ANAPC5: variants seen among roughly 807,000 people sequenced by gnomAD.
The protein encoded by ANAPC5 is anaphase promoting complex subunit 5.
ANAPC5 carries 60 observed loss-of-function variants against 91.3 expected under a neutral mutation model. The ratio of observed to expected loss-of-function variants is 0.66; its 90% CI spans 0.53 to 0.81. The LOEUF is 0.81. Among genes scored for constraint, ANAPC5 ranks in the 40% least tolerant of loss-of-function variants. The pLI, the probability that ANAPC5 is intolerant of heterozygous loss-of-function variation, is 0.00. For missense variants in ANAPC5, 690 were observed against 931.5 expected, an observed-to-expected ratio of 0.74 and a Z score of 3.37; for synonymous variants, 340 against 364.1, an observed-to-expected ratio of 0.93 and a Z score of 0.75.
intron 4 of ANAPC5, among the ~76,000 whole-genome samples, chr12:121,345,118 G>C (rs937529982): frequency 4.6e-5 from 7 of 152,182 alleles, no homozygotes; most frequent in South Asian, 2.1e-4. Context: ...ACATAGCAGG[G>C]AGGAAGGACT....
upstream of ANAPC5, chr12:121,352,601 G>A (rs1390300516): frequency 2.2e-6 from 1 of 445,848 alleles, no homozygotes; most frequent in Non-Finnish European, 4.0e-6. Flanking sequence ...CCGAGTGGGA[G>A]CAGGTTCCCA....
intron 4 of ANAPC5, 134 bp downstream of exon 4, chr12:121,345,705 C>A: frequency 3.3e-6 from 3 of 898,176 alleles, no homozygotes; most frequent in Non-Finnish European, 5.1e-6. Flanking sequence ...CAGCCCTTAT[C>A]AGTTAACTTC....
Position 121,327,169 on chromosome 12 carries a change from G to A in ANAPC5, c.1367C>T (p.Ala456Val), listed in dbSNP as rs782047843. 11 of 1,613,216 alleles carry A rather than the reference G, an allele frequency of 6.8e-6. No homozygotes were observed. The highest frequency in any genetic ancestry group is 3.3e-4 in the Middle Eastern group (2 of 6,030). Residue 456 changes from alanine (A) to valine (V), a missense_variant, in exon 11 of 17, where the codon GCG becomes GTG. By Grantham distance (64) the Ala-to-Val change is moderately conservative. This residue lies in a region of ANAPC5 where 317 missense variants were observed against 438.7 expected (regional missense o/e 0.72). Coordinates refer to ENST00000261819, the MANE Select transcript of ANAPC5 (RefSeq NM_016237.5). ...CTCTGTGTTGTTCTGCTGCACGCCC[G>A]CATTCACCGCCTCCAGGCTGTTCAT... ...LSMNSLEAVN[A>V]GVQQNNTESF...
intron 4 of ANAPC5, among the ~76,000 whole-genome samples, chr12:121,344,940 T>C (rs994590065): frequency 1.3e-5 from 2 of 152,210 alleles, no homozygotes; most frequent in Non-Finnish European, 2.9e-5. Flanking sequence ...CTGATTAATA[T>C]TCTTAGGGGC....
At chr12:121,314,773 C>T (rs757175144) in intron 15 of ANAPC5, among the ~76,000 whole-genome samples, 4 of 151,996 alleles carry the variant, frequency 2.6e-5, no homozygotes, top group African/African-American at 7.2e-5. Flanking sequence ...TACAGGCATG[C>T]ACCACCACCA....
chr12:121,352,218 C>A lies in ANAPC5; in HGVS notation c.123G>T (p.Leu41=), dbSNP rs1391867750. The change falls in exon 1 of 17, where the codon CTG becomes CTT. Residue 41 remains leucine, a synonymous_variant. Coordinates refer to ENST00000261819, the MANE Select transcript of ANAPC5 (RefSeq NM_016237.5). ...TPYKIAVLVL[L]NEMSRTGEGA... ...CCTCGCCTGTGCGGCTCATCTCGTT[C>A]AGCAGCACCAGCACCGCGATCTTGT... The A allele has an allele frequency of 6.2e-7, 1 of 1,614,032 alleles. No individual in the cohort carries two copies. Among genetic ancestry groups the A allele is most frequent in the African/African-American group, 1.3e-5 (1 of 74,956 alleles).
intron 6 of ANAPC5, among the ~76,000 whole-genome samples, chr12:121,336,931 T>C (rs528562947): frequency 1.3e-3 from 198 of 152,178 alleles, no homozygotes; most frequent in African/African-American, 4.6e-3. Context: ...ATATAAAAAG[T>C]AGCCTTGGCC....
chr12:121,352,887 G>A (rs782291524), upstream of ANAPC5, among the ~76,000 whole-genome samples: 9 of 152,044 alleles, frequency 5.9e-5, no homozygotes, highest in Non-Finnish European at 8.8e-5. Context: ...GGGACTACAG[G>A]CAGCGCGCCT....
In ANAPC5 at chr12:121,346,974, C is replaced by T; in HGVS notation, c.319G>A (p.Asp107Asn). Residue 107 changes from aspartate (D) to asparagine (N), a missense_variant, in exon 3 of 17, where the codon GAT becomes AAT. Physicochemically the swap from Asp to Asn is conservative, Grantham distance 23. This residue lies in a region of ANAPC5 where 238 missense variants were observed against 264.9 expected (regional missense o/e 0.90). Coordinates refer to ENST00000261819, the MANE Select transcript of ANAPC5 (RefSeq NM_016237.5). ...IKLMAEGELK[D>N]MEQFFDDLSD... ...AGGTCATCAAAAAACTGTTCCATAT[C>T]CTTCAACTCGCCTTCAGCCATCAGT... 6.2e-7 allele frequency: 1 copy of T among 1,610,944 alleles called. No homozygotes were observed. Among genetic ancestry groups the T allele is most frequent in the Non-Finnish European group, 8.5e-7 (1 of 1,179,158 alleles).
chr12:121,332,288 G>C (rs143579319), intron 7 of ANAPC5: 2 of 152,296 alleles, frequency 1.3e-5, no homozygotes, highest in Non-Finnish European at 2.9e-5. Context: ...AAAGTATTTT[G>C]AGGATTCCCA....
At chr12:121,309,231 A>G (rs1194129350) in intron 16 of ANAPC5, among the ~76,000 whole-genome samples, 1 of 151,434 alleles carries the variant, frequency 6.6e-6, no homozygotes, top group Non-Finnish European at 1.5e-5. Flanking sequence ...TGGGCAGATC[A>G]CAAGGTCAGG....
At chr12:121,347,083 T>C in intron 2 of ANAPC5, 78 bp from the exon 3 acceptor site, 2 of 800,688 alleles carry the variant, frequency 2.5e-6, no homozygotes, top group Non-Finnish European at 3.9e-6. Flanking sequence ...CTCAATTACC[T>C]CAAATAATGT....
At chr12:121,338,426 A>G (rs892080978) in intron 5 of ANAPC5, among the ~76,000 whole-genome samples, 1 of 151,882 alleles carries the variant, frequency 6.6e-6, no homozygotes. Context: ...TGTCTCTACT[A>G]AAGATACAAA....
At chr12:121,338,109 G>T (rs966317517) in intron 5 of ANAPC5, among the ~76,000 whole-genome samples, 1 of 152,014 alleles carries the variant, frequency 6.6e-6, no homozygotes, top group Non-Finnish European at 1.5e-5. Flanking sequence ...TGTGGTGGTT[G>T]ATGCCTGTAA....
At chr12:121,329,440 C>T (rs1555272629) in intron 9 of ANAPC5, among the ~76,000 whole-genome samples, 1 of 152,104 alleles carries the variant, frequency 6.6e-6, no homozygotes, top group Non-Finnish European at 1.5e-5. Context: ...GTGTGAGCCA[C>T]CACGCCAGGC....
rs969035746 is a variant in ANAPC5 at position 121,342,784 on chromosome 12, G to A, written c.591-715C>T. Reference sequence around the variant, plus strand: ...TGAGGCAGAAAAATTGTTTGATCCCGGGAGGTGGAGGTTGCAGCGAGCCAA... The same window carrying A: ...TGAGGCAGAAAAATTGTTTGATCCCAGGAGGTGGAGGTTGCAGCGAGCCAA... On this transcript the variant is annotated intron_variant, in intron 4 of 16. Coordinates refer to ENST00000261819, the MANE Select transcript of ANAPC5 (RefSeq NM_016237.5). The surrounding 1 kb of genome is among the most constrained non-coding windows in gnomAD (Gnocchi z 4.1). 9.5e-4 allele frequency among the ~76,000 whole-genome samples: 144 copies of A among 152,242 alleles called. No individual in the cohort carries two copies. The highest frequency in any genetic ancestry group is 3.2e-3 in the African/African-American group (134 of 41,546).
chr12:121,319,875 G>A, intron 12 of ANAPC5, 57 bp from the exon 13 acceptor site: 2 of 1,471,946 alleles, frequency 1.4e-6, no homozygotes, highest in Non-Finnish European at 1.8e-6. Context: ...ATCTTAATGA[G>A]TATATGAAAG....
intron 11 of ANAPC5, among the ~76,000 whole-genome samples, chr12:121,325,385 C>T (rs1159232723): frequency 6.6e-6 from 1 of 151,916 alleles, no homozygotes; most frequent in Non-Finnish European, 1.5e-5. Flanking sequence ...ATCGCTTGAA[C>T]CCAGGAGGCA....
intron 1 of ANAPC5, among the ~76,000 whole-genome samples, chr12:121,349,720 A>ATTTT (rs11408254): frequency 2.2e-5 from 3 of 138,300 alleles, no homozygotes; most frequent in East Asian, 2.1e-4. Context: ...CACTGTTTCT[A>ATTTT]TTTTTTTTTT....
Sources: allele counts gnomAD v4.1 joint callset (sites outside exome capture counted in the v4.1 genomes callset), GRCh38; gene constraint gnomAD v4.1.1; regional missense constraint gnomAD v4.1.1; non-coding constraint Gnocchi (gnomAD v3.1); transcripts MANE v1.5; gene names NCBI Gene and HGNC (gene_info 2026-07-23, HGNC 2026-07-21).